TMC2: variants seen among roughly 807,000 people sequenced by gnomAD.
The protein encoded by TMC2 is transmembrane channel like 2.
TMC2 carries 102 observed loss-of-function variants against 105.9 expected under a neutral mutation model. That is an observed-to-expected ratio of 0.96 (90% confidence interval 0.82 to 1.14). TMC2 has a LOEUF of 1.14. Among genes scored for constraint, TMC2 ranks in the 50% most tolerant of loss-of-function variants. TMC2 has a pLI of 0.00. For missense variants in TMC2, 1,093 were observed against 1,134.3 expected (o/e 0.96, Z 0.52); for synonymous variants, 402 against 422.8 (o/e 0.95, Z 0.60).
chr20:2,589,735 T>C (rs1412359123), intron 7 of TMC2, among the ~76,000 whole-genome samples: 1 of 152,196 alleles, frequency 6.6e-6, no homozygotes, highest in African/African-American at 2.4e-5. Flanking sequence ...AGTGGCTCAA[T>C]CTCGGCTCAC....
intron 11 of TMC2, among the ~76,000 whole-genome samples, chr20:2,609,053 G>T (rs2086415159): frequency 6.6e-6 from 1 of 152,198 alleles, no homozygotes; most frequent in Non-Finnish European, 1.5e-5. Context: ...CTATGGCAGG[G>T]TAGGCATCCT....
At chr20:2,614,334 G>T (rs1032562348) in intron 14 of TMC2, among the ~76,000 whole-genome samples, 1 of 152,308 alleles carries the variant, frequency 6.6e-6, no homozygotes, top group Non-Finnish European at 1.5e-5. Flanking sequence ...GGCCAGGTAT[G>T]GTGGCTCACA....
chr20:2,615,382 T>C (rs544451510), intron 14 of TMC2, among the ~76,000 whole-genome samples: 1 of 152,362 alleles, frequency 6.6e-6, no homozygotes, highest in South Asian at 2.1e-4. Context: ...CCTTCTTCCA[T>C]CCATGCATGC....
In TMC2 at chr20:2,558,784, G is replaced by A. The variant is rs1035173179; in HGVS notation, c.401+10G>A. 11 of 1,526,298 alleles carry A rather than the reference G, an allele frequency of 7.2e-6. No homozygotes were observed. The highest frequency in any genetic ancestry group is 8.8e-6 in the Non-Finnish European group (10 of 1,138,934). The allele number at this position is 1,526,298 out of a possible 1,614,324, so 94.5% of individuals were successfully genotyped here. On this transcript the variant is annotated intron_variant, in intron 3 of 19. Coordinates refer to ENST00000358864, the MANE Select transcript of TMC2 (RefSeq NM_080751.3). The surrounding 1 kb of genome is among the most constrained non-coding windows in gnomAD (Gnocchi z 4.6). ...GGCAGAAGAAACCCAGGTGTGTTGT[G>A]GCTCCGATTCTGGGCATTCGCTCCG...
rs1191411030 is a variant in TMC2 at position 2,579,391 on chromosome 20, TA to T, written c.727+165del. On this transcript the variant is annotated intron_variant, in intron 6 of 19. Transcript: ENST00000358864. Reference sequence around the variant, plus strand: ...GTCAGGCCAAGATTTATTTTTTATTTATTTATTTATTTATTTATTTATTTAT... The same window carrying T: ...GTCAGGCCAAGATTTATTTTTTATTTTTTATTTATTTATTTATTTATTTAT... 5.0e-3 allele frequency among the ~76,000 whole-genome samples: 687 copies of T among 137,472 alleles called. 4 individuals carry two copies. Among genetic ancestry groups the T allele is most frequent in the African/African-American group, 0.019 (589 of 30,412 alleles). 90.2% of individuals were successfully genotyped at this position (137,472 alleles called of 152,430 possible).
rs534353999 is a variant in TMC2, at chr20:2,548,754, A to G, written c.83-9702A>G. Among the ~76,000 whole-genome samples, 3 of 152,372 alleles carry G rather than the reference A, an allele frequency of 2.0e-5. No individual in the cohort carries two copies. In the South Asian group the frequency reaches 6.2e-4, roughly 32 times the overall value. ...TAAAAATCTTGGGAATTAATTTCCA[A>G]GCTGGCATACTACAAAATATAATTA... On this transcript the variant is annotated intron_variant, in intron 2 of 19. Transcript: ENST00000358864.
intron 2 of TMC2, among the ~76,000 whole-genome samples, chr20:2,548,852 C>T (rs1311874931): frequency 1.3e-5 from 2 of 152,096 alleles, no homozygotes; most frequent in Non-Finnish European, 2.9e-5. Context: ...TAACCTTCAA[C>T]ATCAAATAGA....
rs529525181 is a variant in TMC2, at chr20:2,565,748, G to T, written c.554+3738G>T. ...ATGGTTACTGTAGACTATCTAAAAA[G>T]GCTTGCTAGTGCTGGGTGTGGTGGC... On this transcript the variant is annotated intron_variant, in intron 4 of 19. Transcript: ENST00000358864. Among the ~76,000 whole-genome samples the T allele has an allele frequency of 9.2e-5, 14 of 152,224 alleles. No homozygotes were observed. The South Asian group carries it at 1.9e-3, about 20-fold the overall frequency.
intron 10 of TMC2, 96 bp downstream of exon 10, chr20:2,597,394 T>A: frequency 1.6e-6 from 2 of 1,287,340 alleles, no homozygotes; most frequent in Non-Finnish European, 2.1e-6. Flanking sequence ...AATAAGGTCC[T>A]CAAATAATTT....
intron 2 of TMC2, among the ~76,000 whole-genome samples, chr20:2,554,222 G>T (rs1450521014): frequency 1.3e-5 from 2 of 152,074 alleles, no homozygotes; most frequent in Non-Finnish European, 2.9e-5. Context: ...TGAGATAAAT[G>T]GTGACGATCC....
At chr20:2,542,778 G>A (rs188671265) in intron 2 of TMC2, among the ~76,000 whole-genome samples, 16 of 149,018 alleles carry the variant, frequency 1.1e-4, no homozygotes, top group African/African-American at 4.0e-4. Context: ...TGCAACCTCC[G>A]CCTCCCGGGT....
chr20:2,616,077 AATTC>A lies in TMC2; in HGVS notation c.1873-58_1873-55del. On this transcript the variant is annotated intron_variant, in intron 14 of 19. Coordinates refer to ENST00000358864, the MANE Select transcript of TMC2 (RefSeq NM_080751.3). This position sits in a 1 kb window ranked among gnomAD's most constrained non-coding sequence, Gnocchi z 4.8. ...GTTGGTTGGTAGTAGGGTTTGGCTG[AATTC>A]ACCAAACGTGCTTTTTTTTTTCTCT... is the stretch of plus-strand genomic sequence containing the variant. The A allele has an allele frequency of 4.1e-6, 6 of 1,457,296 alleles. No individual in the cohort carries two copies. Among genetic ancestry groups the A allele is most frequent in the Non-Finnish European group, 5.7e-6 (6 of 1,048,814 alleles). 90.3% of individuals were successfully genotyped at this position (1,457,296 alleles called of 1,614,324 possible). A position where few individuals can be genotyped will look rare whatever the true frequency, so the allele number is the denominator to read the frequency against.
chr20:2,628,888 G>T (rs2086582652), intron 17 of TMC2, among the ~76,000 whole-genome samples: 1 of 152,186 alleles, frequency 6.6e-6, no homozygotes, highest in Non-Finnish European at 1.5e-5. Flanking sequence ...AGATCACGAG[G>T]TCAGGAGATC....
chr20:2,575,742 G>T (rs970224440), intron 5 of TMC2, among the ~76,000 whole-genome samples: 14 of 134,638 alleles, frequency 1.0e-4, no homozygotes, highest in African/African-American at 4.0e-4. Context: ...ACTTTTCCAC[G>T]TTATTTTTTA....
In TMC2 at chr20:2,642,552, G is replaced by C. The variant is rs993911358; in HGVS notation, c.*1201G>C. On this transcript the variant is annotated 3_prime_UTR_variant, in exon 20 of 20. Transcript: ENST00000358864. ...AGAGTTTTGCAAAAGGTACAATGCA[G>C]AGCGTTGTCTCTGGGGATTCTATGT... Among the ~76,000 whole-genome samples, 1 of 152,210 alleles carries C rather than the reference G, an allele frequency of 6.6e-6. No homozygotes were observed.
rs1203560332 is a variant in TMC2 at position 2,613,201 on chromosome 20, T to C, written c.1751T>C (p.Met584Thr). 1 of 1,612,494 alleles carries C rather than the reference T, an allele frequency of 6.2e-7. No individual in the cohort carries two copies. The highest frequency in any genetic ancestry group is 1.7e-5 in the Admixed American group (1 of 59,988). The change falls in exon 14 of 20, where the codon ATG becomes ACG. Residue 584 changes from methionine (M) to threonine (T), a missense_variant. By Grantham distance (81) the Met-to-Thr change is moderately conservative. Transcript: ENST00000358864. ...TCCTGTGTTCCTCTGCAGGAATTCA[T>C]GAGGCTGACGGTGTCTGACATGCTG... ...CWETAVGIEF[M>T]RLTVSDMLVT...
At chr20:2,563,298 C>T (rs986247480) in intron 4 of TMC2, among the ~76,000 whole-genome samples, 1 of 152,214 alleles carries the variant, frequency 6.6e-6, no homozygotes, top group African/African-American at 2.4e-5. Context: ...TACCCCACGG[C>T]CCTGCAAATT....
At chr20:2,588,368 C>T (rs993623691) in intron 7 of TMC2, among the ~76,000 whole-genome samples, 1 of 152,190 alleles carries the variant, frequency 6.6e-6, no homozygotes, top group Non-Finnish European at 1.5e-5. Context: ...AGACCCTTAG[C>T]CCCTGCTGAC....
rs35949406 is a variant in TMC2, at chr20:2,616,092, C to CT, written c.1873-35dup. 4,039 of 1,416,014 alleles carry CT rather than the reference C, an allele frequency of 2.9e-3. No individual in the cohort carries two copies. The highest frequency in any genetic ancestry group is 3.4e-3 in the Non-Finnish European group (3,438 of 1,025,304). The allele number at this position is 1,416,014 out of a possible 1,614,324, so 87.7% of individuals were successfully genotyped here. A position where few individuals can be genotyped will look rare whatever the true frequency, so the allele number is the denominator to read the frequency against. Reference sequence around the variant, plus strand: ...GGTTTGGCTGAATTCACCAAACGTGCTTTTTTTTTTCTCTCTCTCTCTCGC... The same window carrying CT: ...GGTTTGGCTGAATTCACCAAACGTGCTTTTTTTTTTTCTCTCTCTCTCTCGC... On this transcript the variant is annotated intron_variant, in intron 14 of 19. Transcript: ENST00000358864. This position sits in a 1 kb window ranked among gnomAD's most constrained non-coding sequence, Gnocchi z 4.8.
Sources: allele counts gnomAD v4.1 joint callset (sites outside exome capture counted in the v4.1 genomes callset), GRCh38; gene constraint gnomAD v4.1.1; non-coding constraint Gnocchi (gnomAD v3.1); transcripts MANE v1.5; gene names NCBI Gene and HGNC (gene_info 2026-07-23, HGNC 2026-07-21).